AFG2A: variants seen among roughly 807,000 people sequenced by gnomAD.
AFG2A encodes ATPase family gene 2 protein homolog A.
At chr4:123,033,694 A>G in the AFG2A span, among the ~76,000 whole-genome samples, 3 of 152,210 alleles carry the variant, frequency 2.0e-5, no homozygotes, top group African/African-American at 2.4e-5. Context: ...GATATTGAGT[A>G]TGTCACGATG....
the AFG2A span, among the ~76,000 whole-genome samples, chr4:123,118,180 C>T: frequency 6.6e-6 from 1 of 150,794 alleles, no homozygotes; most frequent in Non-Finnish European, 1.5e-5. Context: ...CTTGTTCCTT[C>T]TACCACTGTA....
At chr4:123,076,289 GT>G in the AFG2A span, among the ~76,000 whole-genome samples, 4 of 149,132 alleles carry the variant, frequency 2.7e-5, no homozygotes, top group African/African-American at 4.9e-5. Flanking sequence ...TGCATGAAAA[GT>G]TTTTTTTTTC....
the AFG2A span, among the ~76,000 whole-genome samples, chr4:123,259,016 A>T: frequency 1.3e-5 from 2 of 151,398 alleles, no homozygotes; most frequent in African/African-American, 4.8e-5. Context: ...ACAGGCACCC[A>T]CCACCACGCC....
At chr4:123,099,035 G>GT in the AFG2A span, among the ~76,000 whole-genome samples, 1 of 151,742 alleles carries the variant, frequency 6.6e-6, no homozygotes, top group Non-Finnish European at 1.5e-5. Context: ...TATCTTTCAT[G>GT]TTTTTGACAA....
At chr4:122,923,426 A>G in the AFG2A span, 1 of 1,344,984 alleles carries the variant, frequency 7.4e-7, no homozygotes, top group Non-Finnish European at 1.0e-6. Context: ...TGGGTCTGAG[A>G]GCGGCACAGA....
chr4:122,948,576 A>G, the AFG2A span, among the ~76,000 whole-genome samples: 12 of 152,140 alleles, frequency 7.9e-5, no homozygotes, highest in African/African-American at 2.4e-4. Flanking sequence ...CTGGACCCCT[A>G]TTAACTTCAG....
chr4:123,253,485 CAAA>C, the AFG2A span, among the ~76,000 whole-genome samples: 62 of 136,448 alleles, frequency 4.5e-4, no homozygotes, highest in Middle Eastern at 3.7e-3. Context: ...AACTCCACCT[CAAA>C]AAAAAAAAAA....
chr4:123,105,449 G>T, the AFG2A span, among the ~76,000 whole-genome samples: 1 of 152,150 alleles, frequency 6.6e-6, no homozygotes, highest in Non-Finnish European at 1.5e-5. Context: ...GCAGCCTATG[G>T]ATGAAGGAGT....
At chr4:123,086,527 G>T in the AFG2A span, among the ~76,000 whole-genome samples, 2 of 152,182 alleles carry the variant, frequency 1.3e-5, no homozygotes, top group South Asian at 4.1e-4. Context: ...ATTCTGCTCA[G>T]TGTTCACTGG....
the AFG2A span, among the ~76,000 whole-genome samples, chr4:123,216,951 G>A: frequency 6.6e-6 from 1 of 152,090 alleles, no homozygotes; most frequent in Middle Eastern, 3.2e-3. Flanking sequence ...ATACAGGTAT[G>A]AGCCACCATG....
chr4:123,075,454 A>G, the AFG2A span, among the ~76,000 whole-genome samples: 4 of 151,412 alleles, frequency 2.6e-5, no homozygotes, highest in Non-Finnish European at 5.9e-5. Context: ...GCCTGCCACC[A>G]TATCTGGCTA....
At chr4:123,060,303 ACT>A in the AFG2A span, among the ~76,000 whole-genome samples, 2 of 151,844 alleles carry the variant, frequency 1.3e-5, no homozygotes, top group Non-Finnish European at 2.9e-5. Context: ...CCCAGTGGGG[ACT>A]CTGTGTGGGA....
At chr4:123,255,729 T>C in the AFG2A span, among the ~76,000 whole-genome samples, 1,925 of 145,338 alleles carry the variant, frequency 0.013, 38 homozygotes, top group African/African-American at 0.045. Flanking sequence ...TTTTTTTTTT[T>C]TTTTTTTTTT....
At chr4:123,080,063 T>A in the AFG2A span, among the ~76,000 whole-genome samples, 2 of 152,124 alleles carry the variant, frequency 1.3e-5, no homozygotes, top group Non-Finnish European at 2.9e-5. Context: ...CCAACCTTCT[T>A]GATACACTAT....
the AFG2A span, among the ~76,000 whole-genome samples, chr4:123,295,916 C>CAA: frequency 1.3e-5 from 2 of 151,614 alleles, no homozygotes; most frequent in East Asian, 3.9e-4. Flanking sequence ...CAAAACAAAA[C>CAA]AAAAAAAAGA....
At chr4:123,310,826 A>T in the AFG2A span, among the ~76,000 whole-genome samples, 3 of 152,242 alleles carry the variant, frequency 2.0e-5, no homozygotes, top group African/African-American at 7.2e-5. Context: ...GTGGCAGAAG[A>T]AGATGACCTT....
the AFG2A span, among the ~76,000 whole-genome samples, chr4:123,166,350 C>T: frequency 6.6e-6 from 1 of 152,250 alleles, no homozygotes; most frequent in Admixed American, 6.5e-5. Flanking sequence ...ATGCTTCCTG[C>T]CCTCAAACAC....
At chr4:123,068,871 A>C in the AFG2A span, among the ~76,000 whole-genome samples, 1 of 152,160 alleles carries the variant, frequency 6.6e-6, no homozygotes, top group Admixed American at 6.5e-5. Flanking sequence ...ATTTAAACTG[A>C]GACTCTTACA....
chr4:122,984,156 T>G, the AFG2A span, among the ~76,000 whole-genome samples: 1 of 152,324 alleles, frequency 6.6e-6, no homozygotes, highest in African/African-American at 2.4e-5. Context: ...GTAGTTTTCC[T>G]TGTAGAGGTC....
Sources: allele counts gnomAD v4.1 joint callset (sites outside exome capture counted in the v4.1 genomes callset), GRCh38; gene constraint gnomAD v4.1.1; transcripts MANE v1.5; gene names NCBI Gene and HGNC (gene_info 2026-07-23, HGNC 2026-07-21).